PDZRN4: variants seen among roughly 807,000 people sequenced by gnomAD.
PDZRN4 encodes PDZ domain containing ring finger 4, also known as PDZ domain-containing RING finger protein 4.
PDZRN4 carries 70 observed loss-of-function variants against 99.0 expected under a neutral mutation model. The observed-to-expected ratio is 0.71, with a 90% confidence interval of 0.58 to 0.86. The LOEUF is 0.86. Ranked by LOEUF, PDZRN4 falls within the 40% of genes least tolerant of loss-of-function variation. The pLI is 0.00. For missense variants in PDZRN4, 1,474 were observed against 1,331.2 expected, an observed-to-expected ratio of 1.11 and a Z score of -1.67; for synonymous variants, 551 against 501.6, an observed-to-expected ratio of 1.10 and a Z score of -1.32.
intron 5 of PDZRN4, among the ~76,000 whole-genome samples, chr12:41,521,345 T>G (rs531700891): frequency 6.6e-6 from 1 of 152,094 alleles, no homozygotes; most frequent in Admixed American, 6.6e-5. Flanking sequence ...TCAGTAGGAA[T>G]GAAGGATTCT....
intron 3 of PDZRN4, among the ~76,000 whole-genome samples, chr12:41,439,419 A>G (rs551500421): frequency 6.3e-4 from 96 of 152,302 alleles, no homozygotes; most frequent in African/African-American, 1.8e-3. Context: ...GGAGGAGCAG[A>G]GGAGTGGATT....
chr12:41,418,963 G>A (rs564613848), intron 3 of PDZRN4, among the ~76,000 whole-genome samples: 7 of 152,198 alleles, frequency 4.6e-5, no homozygotes, highest in African/African-American at 7.2e-5. Context: ...TTGGCTTCTC[G>A]TAGCCAGAAG....
chr12:41,214,724 T>G (rs914440493), intron 3 of PDZRN4, among the ~76,000 whole-genome samples: 1 of 151,948 alleles, frequency 6.6e-6, no homozygotes, highest in African/African-American at 2.4e-5. Flanking sequence ...ACTGTGGAGA[T>G]TAGGGCTTAG....
chr12:41,506,379 T>C, intron 3 of PDZRN4, 77 bp from the exon 4 acceptor site: 1 of 1,378,126 alleles, frequency 7.3e-7, no homozygotes, highest in Non-Finnish European at 9.9e-7. Flanking sequence ...AACCTTTCTC[T>C]CTGTCTTTTA....
At chr12:41,332,913 C>G (rs963482407) in intron 3 of PDZRN4, among the ~76,000 whole-genome samples, 2 of 152,014 alleles carry the variant, frequency 1.3e-5, no homozygotes, top group African/African-American at 4.8e-5. Flanking sequence ...ATTTCAAATG[C>G]CTTGCATGGA....
chr12:41,459,103 C>A (rs1334943373), intron 3 of PDZRN4, among the ~76,000 whole-genome samples: 1 of 152,110 alleles, frequency 6.6e-6, no homozygotes, highest in African/African-American at 2.4e-5. Flanking sequence ...CAGACAAATA[C>A]CGGCAGCTTT....
At chr12:41,551,474 A>G (rs957903774) in intron 5 of PDZRN4, among the ~76,000 whole-genome samples, 4 of 152,094 alleles carry the variant, frequency 2.6e-5, no homozygotes, top group Admixed American at 1.3e-4. Context: ...TCTATTTCCA[A>G]TCAAAGAGGA....
chr12:41,389,975 C>T (rs185819701), intron 3 of PDZRN4, among the ~76,000 whole-genome samples: 14 of 152,114 alleles, frequency 9.2e-5, no homozygotes, highest in Admixed American at 3.9e-4. Flanking sequence ...TAGGTAATGT[C>T]GAAAAGGACA....
chr12:41,280,934 A>G (rs1330223225), intron 3 of PDZRN4, among the ~76,000 whole-genome samples: 3 of 152,166 alleles, frequency 2.0e-5, no homozygotes, highest in Non-Finnish European at 2.9e-5. Flanking sequence ...ACCTCCCAGC[A>G]GGGTTTGACA....
intron 3 of PDZRN4, among the ~76,000 whole-genome samples, chr12:41,445,443 GATTA>G (rs1286710080): frequency 2.0e-5 from 3 of 152,158 alleles, no homozygotes; most frequent in Non-Finnish European, 4.4e-5. Flanking sequence ...TAAGAATAAA[GATTA>G]ATTGATAGTG....
At chr12:41,374,659 G>A (rs1200756897) in intron 3 of PDZRN4, among the ~76,000 whole-genome samples, 1 of 152,094 alleles carries the variant, frequency 6.6e-6, no homozygotes, top group Non-Finnish European at 1.5e-5. Context: ...TGAATGGAGG[G>A]GATAAATTGA....
At chr12:41,206,657 T>C (rs1249794124) in intron 3 of PDZRN4, among the ~76,000 whole-genome samples, 1 of 151,860 alleles carries the variant, frequency 6.6e-6, no homozygotes, top group Non-Finnish European at 1.5e-5. Context: ...ATTGGTACTA[T>C]TAACTACAAG....
chr12:41,224,001 G>A (rs1950976140), intron 3 of PDZRN4, among the ~76,000 whole-genome samples: 1 of 152,194 alleles, frequency 6.6e-6, no homozygotes, highest in Non-Finnish European at 1.5e-5. Flanking sequence ...TGGTAGGAGG[G>A]GGACTAAGTT....
chr12:41,518,615 G>A (rs1420545414), intron 5 of PDZRN4, among the ~76,000 whole-genome samples: 1 of 152,038 alleles, frequency 6.6e-6, no homozygotes, highest in African/African-American at 2.4e-5. Flanking sequence ...TCCAAGAAAA[G>A]ATGTATTAAA....
chr12:41,530,533 C>A (rs373880767), intron 5 of PDZRN4, among the ~76,000 whole-genome samples: 1 of 151,974 alleles, frequency 6.6e-6, no homozygotes, highest in Non-Finnish European at 1.5e-5. Flanking sequence ...ACTTGGTGGG[C>A]GTTTGGGTGT....
chr12:41,230,034 G>A (rs1008028399), intron 3 of PDZRN4, among the ~76,000 whole-genome samples: 1 of 151,990 alleles, frequency 6.6e-6, no homozygotes, highest in African/African-American at 2.4e-5. Flanking sequence ...TAATTCAACA[G>A]TAATCATTTT....
At chr12:41,517,755 G>A (rs368255413) in intron 5 of PDZRN4, among the ~76,000 whole-genome samples, 2 of 151,934 alleles carry the variant, frequency 1.3e-5, no homozygotes, top group South Asian at 2.1e-4. Flanking sequence ...AAACTTTTAC[G>A]AGTATTCTAA....
chr12:41,219,747 C>A (rs1253025035), intron 3 of PDZRN4, among the ~76,000 whole-genome samples: 1 of 152,058 alleles, frequency 6.6e-6, no homozygotes, highest in Non-Finnish European at 1.5e-5. Flanking sequence ...GCTGGTTTTG[C>A]AGAAAACTGA....
At chr12:41,506,055 A>G (rs1180027276) in intron 3 of PDZRN4, among the ~76,000 whole-genome samples, 1 of 152,154 alleles carries the variant, frequency 6.6e-6, no homozygotes, top group African/African-American at 2.4e-5. Flanking sequence ...AATTTTAGGC[A>G]AGTAAGACCT....
Sources: gnomAD v4.1 joint callset for allele counts (sites outside exome capture counted in the v4.1 genomes callset) on GRCh38, gnomAD v4.1.1 for gene constraint, MANE v1.5 for transcripts, NCBI Gene and HGNC (gene_info 2026-07-23, HGNC 2026-07-21) for gene names.